The following AHSG variants were observed in gnomAD, a reference collection of about 807,000 sequenced individuals.
AHSG encodes the protein alpha 2-HS glycoprotein.
Under a neutral mutation model 30.1 loss-of-function variants are expected in AHSG, and 23 were observed. The ratio of observed to expected loss-of-function variants is 0.76; its 90% CI spans 0.55 to 1.08. The LOEUF (loss-of-function observed/expected upper bound fraction) is 1.08, where lower values mean the gene tolerates loss of function less well. Ranked by LOEUF, AHSG falls within the 50% of genes least tolerant of loss-of-function variation. AHSG has a pLI of 0.00. For synonymous variants in AHSG, 164 were observed against 186.3 expected (o/e 0.88, Z 0.98); for missense variants, 469 against 459.5 (o/e 1.02, Z -0.19).
Position 186,617,345 on chromosome 3 carries a change from C to T in AHSG, c.568C>T (p.Leu190Phe). Residue 190 changes from leucine to phenylalanine, a missense_variant, in exon 4 of 7, where the codon CTT becomes TTT. Transcript: ENST00000411641. Reference protein sequence around the residue: ...FQLEEISRAQLVPLPPSTYVE... With the variant: ...FQLEEISRAQFVPLPPSTYVE... ...GCTGGAGGAAATTTCCCGGGCTCAG[C>T]TTGTGGTAAAGACTGAGATTCTTTT... 3.1e-6 allele frequency: 5 copies of T among 1,614,206 alleles called. No homozygotes were observed. Among genetic ancestry groups the T allele is most frequent in the Non-Finnish European group, 3.4e-6 (4 of 1,180,046 alleles).
chr3:186,614,682 T>G (rs1213473451), intron 1 of AHSG, among the ~76,000 whole-genome samples: 4 of 152,204 alleles, frequency 2.6e-5, no homozygotes, highest in African/African-American at 4.8e-5. Context: ...TCAGAGTTGG[T>G]TCCCTTGAGA....
chr3:186,616,968 A>G (rs1219229491), intron 3 of AHSG, among the ~76,000 whole-genome samples: 1 of 152,236 alleles, frequency 6.6e-6, no homozygotes, highest in Admixed American at 6.5e-5. Flanking sequence ...TGTCTCAAAA[A>G]AATAAGAAGT....
intron 3 of AHSG, 29 bp from the exon 4 acceptor site, chr3:186,617,158 C>G (rs1716328385): frequency 6.3e-7 from 1 of 1,590,194 alleles, no homozygotes; most frequent in Non-Finnish European, 8.6e-7. Flanking sequence ...GAATGGCTGC[C>G]CACATCCTGG....
intron 5 of AHSG, 79 bp from the exon 6 acceptor site, chr3:186,619,778 T>G (rs986885469): frequency 8.5e-7 from 1 of 1,177,820 alleles, no homozygotes; most frequent in African/African-American, 1.5e-5. Flanking sequence ...CAAACTAATT[T>G]AAGGTTGGCG....
chr3:186,616,307 C>G lies in AHSG; in HGVS notation c.325-136C>G, dbSNP rs1359042736. ...AACTATATCGTTGTATCCCTGAAAGCAGAGAGTGCCATGTTTCAGTATTAC... is the reference window on the plus strand; with the variant it reads ...AACTATATCGTTGTATCCCTGAAAGGAGAGAGTGCCATGTTTCAGTATTAC... On this transcript the variant is annotated intron_variant, in intron 2 of 6. Coordinates refer to ENST00000411641, the MANE Select transcript of AHSG (RefSeq NM_001622.4). 4 of 615,596 alleles carry G rather than the reference C, an allele frequency of 6.5e-6. No individual in the cohort carries two copies. In the African/African-American group the frequency reaches 7.4e-5, roughly 11 times the overall value. 38.1% of individuals were successfully genotyped at this position (615,596 alleles called of 1,614,324 possible). A position where few individuals can be genotyped will look rare whatever the true frequency, so the allele number is the denominator to read the frequency against.
Position 186,620,641 on chromosome 3 carries a change from T to C in AHSG, c.815T>C (p.Val272Ala), listed in dbSNP as rs1716454258. 19 of 1,613,504 alleles carry C rather than the reference T, an allele frequency of 1.2e-5. No homozygotes were observed. The highest frequency in any genetic ancestry group is 1.6e-5 in the Non-Finnish European group (19 of 1,179,680). ...EGANEAVPTP[V>A]VDPDAPPSPP... ...GCCAATGAAGCAGTCCCCACACCCG[T>C]GGTGGACCCAGATGCACCTCCGTCC... The change falls in exon 7 of 7, where the codon GTG (valine) becomes GCG (alanine). Residue 272 changes from valine (V) to alanine (A), a missense_variant. Transcript: ENST00000411641.
chr3:186,618,788 G>A (rs538268510), intron 5 of AHSG, 151 bp downstream of exon 5: 43 of 1,378,894 alleles, frequency 3.1e-5, no homozygotes, highest in Non-Finnish European at 4.2e-5. Flanking sequence ...CTTCTTTTAG[G>A]GTGTCACCTC....
chr3:186,618,941 C>T (rs1214195134), intron 5 of AHSG, among the ~76,000 whole-genome samples: 1 of 152,188 alleles, frequency 6.6e-6, no homozygotes, highest in African/African-American at 2.4e-5. Context: ...ACATATAACT[C>T]TGATACAAAA....
chr3:186,618,960 G>A (rs1270076042), intron 5 of AHSG, among the ~76,000 whole-genome samples: 1 of 152,170 alleles, frequency 6.6e-6, no homozygotes, highest in Non-Finnish European at 1.5e-5. Flanking sequence ...AAGCTTTCAA[G>A]TCCTTGAGCC....
chr3:186,615,617 C>A, intron 1 of AHSG, 68 bp from the exon 2 acceptor site: 1 of 1,290,554 alleles, frequency 7.7e-7, no homozygotes, highest in Non-Finnish European at 1.1e-6. Flanking sequence ...AATGAGGGCG[C>A]ATACCGTGGA....
Position 186,615,804 on chromosome 3 carries a change from CCTT to C in AHSG, c.324+13_324+15del. ...GGCAGCTGAAGGAGCATGTGAGTAC[CCTT>C]CTTAGGATGACTGTAGGTGGCCCTT... On this transcript the variant is annotated intron_variant, in intron 2 of 6. Coordinates refer to ENST00000411641, the MANE Select transcript of AHSG (RefSeq NM_001622.4). 1 of 1,612,152 alleles carries C rather than the reference CCTT, an allele frequency of 6.2e-7. No homozygotes were observed. The highest frequency in any genetic ancestry group is 2.2e-5 in the East Asian group (1 of 44,878).
At chr3:186,616,257 C>G (rs1328249456) in intron 2 of AHSG, among the ~76,000 whole-genome samples, 186 bp from the exon 3 acceptor site, 3 of 152,170 alleles carry the variant, frequency 2.0e-5, no homozygotes, top group Admixed American at 1.3e-4. Flanking sequence ...GCCACTTGCC[C>G]TGGGGCTGAT....
chr3:186,616,417 A>G, intron 2 of AHSG, 26 bp from the exon 3 acceptor site: 9 of 1,604,352 alleles, frequency 5.6e-6, no homozygotes, highest in Non-Finnish European at 7.7e-6. Flanking sequence ...AAGGGCAGCC[A>G]TCCTCACGTG....
At chr3:186,618,718 T>G (rs572762577) in intron 5 of AHSG, 81 bp downstream of exon 5, 80 of 1,548,562 alleles carry the variant, frequency 5.2e-5, no homozygotes, top group Middle Eastern at 2.1e-4. Context: ...AGTTTGTATC[T>G]TGGGGCTGCA....
In AHSG at chr3:186,617,189, T is replaced by G. The variant is rs1716330093; in HGVS notation, c.412T>G (p.Ser138Ala). Residue 138 changes from serine to alanine, a missense_variant and splice_region_variant, in exon 4 of 7, where the codon TCA (serine) becomes GCA (alanine). Coordinates refer to ENST00000411641, the MANE Select transcript of AHSG (RefSeq NM_001622.4). ...CCTGGTTTCCTCTCTCCGAGCAGACTCAGCCGAGGACGTGCGCAAGGTGTG... is the reference window on the plus strand; with the variant it reads ...CCTGGTTTCCTCTCTCCGAGCAGACGCAGCCGAGGACGTGCGCAAGGTGTG... Reference protein sequence around the residue: ...VYAKCDSSPDSAEDVRKVCQD... With the variant: ...VYAKCDSSPDAAEDVRKVCQD... 9 of 1,609,808 alleles carry G rather than the reference T, an allele frequency of 5.6e-6. No individual in the cohort carries two copies. Among genetic ancestry groups the G allele is most frequent in the Non-Finnish European group, 6.8e-6 (8 of 1,177,938 alleles).
rs1363726929 is a variant in AHSG, at chr3:186,613,323, A to G, written c.182A>G (p.Asn61Ser). 5 of 1,613,920 alleles carry G rather than the reference A, an allele frequency of 3.1e-6. No individual in the cohort carries two copies. Among genetic ancestry groups the G allele is most frequent in the Non-Finnish European group, 4.2e-6 (5 of 1,179,960 alleles). ...CCTTGGGGATACAAACACACCTTGAACCAGATTGATGAAGTAAAGGTGTGG... is the reference window on the plus strand; with the variant it reads ...CCTTGGGGATACAAACACACCTTGAGCCAGATTGATGAAGTAAAGGTGTGG... ...NLPWGYKHTL[N>S]QIDEVKVWPQ... Residue 61 changes from asparagine (N) to serine (S), a missense_variant, in exon 1 of 7, where the codon AAC becomes AGC. Physicochemically the swap from Asn to Ser is conservative, Grantham distance 46. Coordinates refer to ENST00000411641, the MANE Select transcript of AHSG (RefSeq NM_001622.4).
intron 4 of AHSG, 61 bp from the exon 5 acceptor site, chr3:186,618,475 T>A (rs1041371697): frequency 6.3e-7 from 1 of 1,595,542 alleles, no homozygotes; most frequent in African/African-American, 1.3e-5. Flanking sequence ...CCGCTCTCCT[T>A]CTCTGCCCTT....
chr3:186,619,386 A>G (rs541677989), intron 5 of AHSG, among the ~76,000 whole-genome samples: 1 of 152,298 alleles, frequency 6.6e-6, no homozygotes, highest in African/African-American at 2.4e-5. Flanking sequence ...AAAGAGACCA[A>G]AAAAGAGAGA....
At chr3:186,617,509 G>A in intron 4 of AHSG, 159 bp downstream of exon 4, 1 of 1,364,404 alleles carries the variant, frequency 7.3e-7, no homozygotes, top group Non-Finnish European at 1.0e-6. Context: ...ATCCTAAGGG[G>A]GTATGAGGCT....
Sources: gnomAD v4.1 joint callset for allele counts (sites outside exome capture counted in the v4.1 genomes callset) on GRCh38, gnomAD v4.1.1 for gene constraint, MANE v1.5 for transcripts, NCBI Gene and HGNC (gene_info 2026-07-23, HGNC 2026-07-21) for gene names.